Variants in GPR180 observed in about 807,000 individuals in gnomAD.
The protein encoded by GPR180 is integral membrane protein GPR180.
In GPR180, 53 loss-of-function variants were observed where a neutral mutation model predicts 52.6. The observed-to-expected ratio is 1.01, with a 90% CI of 0.81 to 1.27. GPR180 has a LOEUF of 1.27. GPR180 is among the 50% of genes most tolerant of loss of function. The pLI is 0.00. For missense variants in GPR180, 533 were observed against 527.0 expected, an observed-to-expected ratio of 1.01 and a Z score of -0.11; for synonymous variants, 200 against 193.1, an observed-to-expected ratio of 1.04 and a Z score of -0.30.
In GPR180 at chr13:94,628,677, T is replaced by A. The variant is rs1311665132; in HGVS notation, c.*1506T>A. The A allele has an allele frequency of 1.3e-5, 2 of 152,032 alleles. No homozygotes were observed. The highest frequency in any genetic ancestry group is 2.9e-5 in the Non-Finnish European group (2 of 67,910). 9.4% of individuals were successfully genotyped at this position (152,032 alleles called of 1,614,324 possible). A position where few individuals can be genotyped will look rare whatever the true frequency, so the allele number is the denominator to read the frequency against. On this transcript the variant is annotated 3_prime_UTR_variant, in exon 9 of 9. Coordinates refer to ENST00000376958, the MANE Select transcript of GPR180 (RefSeq NM_180989.6). ...AGTTCAACCTGCTCATTAAATCATC[T>A]CTCTATTAGTTCTTTGTAAATCACT...
intron 2 of GPR180, among the ~76,000 whole-genome samples, chr13:94,610,980 G>GT: frequency 6.6e-6 from 1 of 152,224 alleles, no homozygotes; most frequent in East Asian, 1.9e-4. Context: ...CTCTGTGACA[G>GT]TTACCATGCT....
chr13:94,617,889 C>A (rs1186825350), intron 3 of GPR180, among the ~76,000 whole-genome samples: 2 of 152,116 alleles, frequency 1.3e-5, no homozygotes, highest in African/African-American at 4.8e-5. Flanking sequence ...TAGGGACTGT[C>A]TTGACATGTA....
At chr13:94,609,144 A>T (rs1171147485) in intron 2 of GPR180, among the ~76,000 whole-genome samples, 2 of 152,158 alleles carry the variant, frequency 1.3e-5, no homozygotes, top group Non-Finnish European at 2.9e-5. Context: ...TATGCATATG[A>T]TTCCTTTTGT....
Position 94,626,038 on chromosome 13 carries a change from G to C in GPR180, c.1159G>C (p.Asp387His). 1 of 1,604,344 alleles carries C rather than the reference G, an allele frequency of 6.2e-7. No homozygotes were observed. Among genetic ancestry groups the C allele is most frequent in the Non-Finnish European group, 8.5e-7 (1 of 1,171,966 alleles). ...ISVIFSDYQR[D>H]KVITIGVILC... The stretch of plus-strand genomic sequence containing the variant: ...TGTCATTTTTAGCGACTACCAAAGA[G>C]ACAAGGTAAGAAATATACATGATCA... Residue 387 changes from aspartate to histidine, a missense_variant, in exon 8 of 9, where the codon GAC becomes CAC. Physicochemically the swap from Asp to His is moderately conservative, Grantham distance 81. Transcript: ENST00000376958.
intron 1 of GPR180, 37 bp from the exon 2 acceptor site, chr13:94,605,354 G>T: frequency 6.2e-7 from 1 of 1,610,594 alleles, no homozygotes; most frequent in South Asian, 1.1e-5. Flanking sequence ...TTTCATGTAA[G>T]ACCAAACTAG....
rs1198679515 is a variant in GPR180, at chr13:94,628,645, G to A, written c.*1474G>A. 2.6e-5 allele frequency: 4 copies of A among 151,996 alleles called. No homozygotes were observed. Among genetic ancestry groups the A allele is most frequent in the Non-Finnish European group, 5.9e-5 (4 of 67,926 alleles). The allele number at this position is 151,996 out of a possible 1,614,324, so 9.4% of individuals were successfully genotyped here. On this transcript the variant is annotated 3_prime_UTR_variant, in exon 9 of 9. Transcript: ENST00000376958. ...TGTGTTTGTGACCCAAAATGACAAA[G>A]TTACCAAGTTCAACCTGCTCATTAA...
intron 7 of GPR180, among the ~76,000 whole-genome samples, chr13:94,624,412 G>T (rs566839892): frequency 2.0e-5 from 3 of 152,174 alleles, no homozygotes; most frequent in Admixed American, 6.5e-5. Flanking sequence ...TGCTGCTGCA[G>T]CCCTAAGAAC....
In GPR180 at chr13:94,632,824, G is replaced by A. The variant is rs1413504007; in HGVS notation, c.*5653G>A. 6.6e-6 allele frequency: 1 copy of A among 152,216 alleles called. No homozygotes were observed. Among genetic ancestry groups the A allele is most frequent in the Admixed American group, 6.5e-5 (1 of 15,280 alleles). The allele number at this position is 152,216 out of a possible 1,614,324, so 9.4% of individuals were successfully genotyped here. A position where few individuals can be genotyped will look rare whatever the true frequency, so the allele number is the denominator to read the frequency against. On this transcript the variant is annotated 3_prime_UTR_variant, in exon 9 of 9. Coordinates refer to ENST00000376958, the MANE Select transcript of GPR180 (RefSeq NM_180989.6). Reference sequence around the variant, plus strand: ...ATGATATTAGCCCAACCTCTGAGGTGGAGAGAGGGGTTAGAGATGGAGTTC... The same window carrying A: ...ATGATATTAGCCCAACCTCTGAGGTAGAGAGAGGGGTTAGAGATGGAGTTC...
chr13:94,613,955 C>T (rs563840053), intron 3 of GPR180, among the ~76,000 whole-genome samples: 26 of 151,738 alleles, frequency 1.7e-4, no homozygotes, highest in African/African-American at 4.8e-4. Flanking sequence ...CTCGGCCCAC[C>T]GCAACCTCTG....
At chr13:94,604,693 A>C (rs1456518523) in intron 1 of GPR180, among the ~76,000 whole-genome samples, 1 of 151,918 alleles carries the variant, frequency 6.6e-6, no homozygotes, top group African/African-American at 2.4e-5. Context: ...CTCCCATCTC[A>C]GCCTTCTGAA....
chr13:94,608,844 T>C (rs1889667071), intron 2 of GPR180, among the ~76,000 whole-genome samples: 1 of 152,220 alleles, frequency 6.6e-6, no homozygotes. Flanking sequence ...ACTAGCAGAT[T>C]AGAAAAATCT....
At chr13:94,620,029 T>C (rs1322020447) in intron 5 of GPR180, among the ~76,000 whole-genome samples, 1 of 152,220 alleles carries the variant, frequency 6.6e-6, no homozygotes, top group Non-Finnish European at 1.5e-5. Flanking sequence ...GCCTTTTCAT[T>C]GTTTTTAGGT....
At chr13:94,626,837 A>C (rs1015117797) in intron 8 of GPR180, among the ~76,000 whole-genome samples, 176 bp from the exon 9 acceptor site, 6 of 152,154 alleles carry the variant, frequency 3.9e-5, no homozygotes, top group Admixed American at 6.5e-5. Flanking sequence ...TTTATCCTTA[A>C]ACAATTAGAG....
chr13:94,608,573 A>G (rs1370314645), intron 2 of GPR180, among the ~76,000 whole-genome samples: 1 of 152,178 alleles, frequency 6.6e-6, no homozygotes, highest in African/African-American at 2.4e-5. Context: ...ACAAAATCCA[A>G]ATCTTAAGTC....
rs1225464848 is a variant in GPR180, at chr13:94,625,981, T to G, written c.1102T>G (p.Phe368Val). ...ITFAKGCILW[F>V]LCHPVLACIS... ...TTTGTTTCAGGGCTGTATCTTGTGG[T>G]TTTTATGCCATCCAGTTCTTGCATG... The change falls in exon 8 of 9, where the codon TTT becomes GTT. Residue 368 changes from phenylalanine to valine, a missense_variant. Coordinates refer to ENST00000376958, the MANE Select transcript of GPR180 (RefSeq NM_180989.6). 3.1e-6 allele frequency: 5 copies of G among 1,611,826 alleles called. No homozygotes were observed. In the African/African-American group the frequency reaches 5.3e-5, roughly 17 times the overall value.
chr13:94,607,698 A>G lies in GPR180; in HGVS notation c.304+2149A>G, dbSNP rs541814718. Reference sequence around the variant, plus strand: ...CGCTTCCACTGTTTCATGTACTGCTAGGTACTGTTGATAGATCAGTGACCA... The same window carrying G: ...CGCTTCCACTGTTTCATGTACTGCTGGGTACTGTTGATAGATCAGTGACCA... On this transcript the variant is annotated intron_variant, in intron 2 of 8. Transcript: ENST00000376958. Among the ~76,000 whole-genome samples, 38 of 152,304 alleles carry G rather than the reference A, an allele frequency of 2.5e-4. No homozygotes were observed. In the South Asian group the frequency reaches 2.9e-3, roughly 12 times the overall value.
chr13:94,617,016 C>T (rs1016936204), intron 3 of GPR180, among the ~76,000 whole-genome samples: 1 of 152,172 alleles, frequency 6.6e-6, no homozygotes, highest in African/African-American at 2.4e-5. Context: ...TTTTTGTGTT[C>T]GTTATAATGT....
chr13:94,624,339 G>T lies in GPR180; in HGVS notation c.1086+1039G>T, dbSNP rs888975748. Among the ~76,000 whole-genome samples the T allele has an allele frequency of 3.9e-5, 6 of 152,132 alleles. 1 individual carries two copies. The highest frequency in any genetic ancestry group is 1.5e-5 in the Non-Finnish European group (1 of 68,032). On this transcript the variant is annotated intron_variant, in intron 7 of 8. Coordinates refer to ENST00000376958, the MANE Select transcript of GPR180 (RefSeq NM_180989.6). ...CCAGAGTTATTGGCCGTTATTCTGA[G>T]GCAGCTATGGAAGGAGAGCCAGATT...
rs201264097 is a variant in GPR180 at position 94,627,123 on chromosome 13, A to C, written c.1275A>C (p.Thr425=). The part of the protein sequence containing the change: ...YWEVSSLSSV[T]LPLTISSGHK... The stretch of plus-strand genomic sequence containing the variant: ...AAGTTTCTTCACTTTCTTCAGTAAC[A>C]CTACCACTGACCATATCATCTGGAC... The change falls in exon 9 of 9, where the codon ACA becomes ACC. Residue 425 remains threonine (T), a synonymous_variant. Coordinates refer to ENST00000376958, the MANE Select transcript of GPR180 (RefSeq NM_180989.6). The C allele has an allele frequency of 4.8e-5, 78 of 1,613,068 alleles. No individual in the cohort carries two copies. Among genetic ancestry groups the C allele is most frequent in the Admixed American group, 8.3e-5 (5 of 59,956 alleles).
Sources: allele counts gnomAD v4.1 joint callset (sites outside exome capture counted in the v4.1 genomes callset), GRCh38; gene constraint gnomAD v4.1.1; transcripts MANE v1.5; gene names NCBI Gene and HGNC (gene_info 2026-07-23, HGNC 2026-07-21).